The following RBFOX1 variants were observed in gnomAD, a reference collection of about 807,000 sequenced individuals.
RBFOX1 encodes RNA binding fox-1 homolog 1.
RBFOX1 carries 8 observed loss-of-function variants against 57.7 expected under a neutral mutation model. That is an observed-to-expected ratio of 0.14 (90% CI 0.08 to 0.25). The LOEUF is 0.25. RBFOX1 is among the 10% of genes least tolerant of loss of function. The pLI is 1.00. For missense variants in RBFOX1, 611 were observed against 548.5 expected, an observed-to-expected ratio of 1.11 and a Z score of -1.14; for synonymous variants, 326 against 222.4, an observed-to-expected ratio of 1.47 and a Z score of -4.15.
At chr16:5,999,264 T>A (rs1255071641) in intron 4 of RBFOX1, among the ~76,000 whole-genome samples, 2 of 152,190 alleles carry the variant, frequency 1.3e-5, no homozygotes, top group Non-Finnish European at 2.9e-5. Flanking sequence ...TGAACATACT[T>A]TTCTGACTGC....
chr16:5,617,371 A>G (rs2048063800), intron 3 of RBFOX1, among the ~76,000 whole-genome samples: 2 of 152,108 alleles, frequency 1.3e-5, no homozygotes, highest in South Asian at 2.1e-4. Context: ...TTTCTGGCTC[A>G]GTCTTCTCTG....
At chr16:5,761,036 G>A (rs2053573548) in intron 3 of RBFOX1, among the ~76,000 whole-genome samples, 1 of 152,204 alleles carries the variant, frequency 6.6e-6, no homozygotes, top group Non-Finnish European at 1.5e-5. Flanking sequence ...TTGATAGGAT[G>A]GTGGCCAGTA....
At chr16:7,280,881 T>A (rs2095527242) in intron 4 of RBFOX1, among the ~76,000 whole-genome samples, 1 of 151,868 alleles carries the variant, frequency 6.6e-6, no homozygotes, top group Non-Finnish European at 1.5e-5. Context: ...GCCATATTTG[T>A]ACTCACTAAA....
At chr16:7,579,982 C>T (rs866688348) in intron 6 of RBFOX1, 62 bp downstream of exon 6, 1 of 1,560,874 alleles carries the variant, frequency 6.4e-7, no homozygotes, top group Non-Finnish European at 8.8e-7. Flanking sequence ...CTCCCTGTCT[C>T]ATGTAAGTTT....
intron 1 of RBFOX1, among the ~76,000 whole-genome samples, chr16:6,212,255 G>A (rs1391447291): frequency 6.6e-6 from 1 of 152,014 alleles, no homozygotes; most frequent in Non-Finnish European, 1.5e-5. Context: ...TTGTATAATA[G>A]TATATATACT....
At chr16:5,545,621 A>T (rs554279115) in intron 2 of RBFOX1, among the ~76,000 whole-genome samples, 180 of 152,292 alleles carry the variant, frequency 1.2e-3, no homozygotes, top group African/African-American at 4.2e-3. Context: ...ATTTCAATGG[A>T]TACAGAAAAA....
chr16:5,304,558 C>T (rs2063885521), intron 1 of RBFOX1, among the ~76,000 whole-genome samples: 1 of 152,212 alleles, frequency 6.6e-6, no homozygotes, highest in Non-Finnish European at 1.5e-5. Context: ...CATGTGTTCA[C>T]CCATTCATTC....
At chr16:7,552,450 C>G (rs2086852176) in intron 5 of RBFOX1, among the ~76,000 whole-genome samples, 2 of 152,110 alleles carry the variant, frequency 1.3e-5, no homozygotes, top group Admixed American at 6.5e-5. Flanking sequence ...AGCAGGGTGT[C>G]TTCAGAGAAG....
chr16:5,848,088 A>G (rs1159356215), intron 3 of RBFOX1, among the ~76,000 whole-genome samples: 3 of 152,144 alleles, frequency 2.0e-5, no homozygotes, highest in South Asian at 2.1e-4. Context: ...TGGCCAACCC[A>G]GAGATTTGTT....
chr16:5,370,400 A>ACC (rs1034727981), intron 1 of RBFOX1, among the ~76,000 whole-genome samples: 1 of 150,744 alleles, frequency 6.6e-6, no homozygotes, highest in African/African-American at 2.4e-5. Context: ...GATGCTCTGA[A>ACC]CCAGGATAGG....
In RBFOX1 at chr16:7,072,786, G is replaced by A. The variant is rs193116534; in HGVS notation, c.27+20688G>A. On this transcript the variant is annotated intron_variant, in intron 4 of 15. Transcript: ENST00000550418. ...AGAGCTGTGATCCTTCAGAGAATCG[G>A]AGACATGTGAGATGAAGCTACCGTT... is the stretch of plus-strand genomic sequence containing the variant. 1.2e-3 allele frequency among the ~76,000 whole-genome samples: 185 copies of A among 152,326 alleles called. 1 individual carries two copies. The highest frequency in any genetic ancestry group is 2.9e-3 in the Admixed American group (44 of 15,308).
intron 1 of RBFOX1, among the ~76,000 whole-genome samples, chr16:6,133,320 A>G (rs920677122): frequency 3.3e-5 from 5 of 152,246 alleles, no homozygotes; most frequent in East Asian, 1.9e-4. Context: ...TGCTCTCTCT[A>G]GCATGTGGAC....
chr16:6,264,078 A>C (rs368399072), intron 1 of RBFOX1, among the ~76,000 whole-genome samples: 1 of 152,184 alleles, frequency 6.6e-6, no homozygotes, highest in Admixed American at 6.5e-5. Context: ...CGATAACCTT[A>C]CTTTCATAGA....
chr16:5,916,766 C>T (rs756216808), intron 4 of RBFOX1, among the ~76,000 whole-genome samples: 4 of 152,108 alleles, frequency 2.6e-5, no homozygotes, highest in Non-Finnish European at 5.9e-5. Context: ...ACTGGGCTGC[C>T]GTTTTATTAG....
chr16:6,768,571 A>G (rs2077750895), intron 3 of RBFOX1, among the ~76,000 whole-genome samples: 1 of 151,940 alleles, frequency 6.6e-6, no homozygotes, highest in Admixed American at 6.6e-5. Context: ...TATGTATGAG[A>G]GAAAAAGATG....
intron 1 of RBFOX1, among the ~76,000 whole-genome samples, chr16:5,448,205 G>T (rs554688430): frequency 1.8e-4 from 27 of 152,278 alleles, no homozygotes; most frequent in South Asian, 6.2e-4. Context: ...AACTGTGAGG[G>T]ATGGTAAAAT....
Position 6,929,217 on chromosome 16 carries a change from G to C in RBFOX1, c.-15-122840G>C, listed in dbSNP as rs367855405. On this transcript the variant is annotated intron_variant, in intron 3 of 15. Transcript: ENST00000550418. ...TTTGAAGGCAAGTGTGTTCTTAACT[G>C]CTTGGATCCTACCCTTTATGACAGA... 5.2e-4 allele frequency among the ~76,000 whole-genome samples: 79 copies of C among 152,236 alleles called. 1 individual carries two copies. The South Asian group carries it at 0.016, about 30-fold the overall frequency.
At chr16:6,393,001 C>A (rs2092674440) in intron 2 of RBFOX1, among the ~76,000 whole-genome samples, 1 of 152,196 alleles carries the variant, frequency 6.6e-6, no homozygotes, top group South Asian at 2.1e-4. Flanking sequence ...AGACAAGGAA[C>A]TCCTGTCTTG....
chr16:6,468,100 G>A (rs561415411), intron 2 of RBFOX1, among the ~76,000 whole-genome samples: 1 of 152,206 alleles, frequency 6.6e-6, no homozygotes, highest in South Asian at 2.1e-4. Flanking sequence ...ATTTTTCTCT[G>A]CACAGAAATA....
Sources: allele counts gnomAD v4.1 joint callset (sites outside exome capture counted in the v4.1 genomes callset), GRCh38; gene constraint gnomAD v4.1.1; transcripts MANE v1.5; gene names NCBI Gene and HGNC (gene_info 2026-07-23, HGNC 2026-07-21).